MSL1: variants seen among roughly 807,000 people sequenced by gnomAD.
MSL1 encodes male-specific lethal 1 homolog.
Under a neutral mutation model 64.6 loss-of-function variants are expected in MSL1, and 21 were observed. The ratio of observed to expected loss-of-function variants is 0.33; its 90% CI spans 0.23 to 0.47. The LOEUF (loss-of-function observed/expected upper bound fraction) is 0.47, where lower values mean the gene tolerates loss of function less well. Ranked by LOEUF, MSL1 falls within the 20% of genes least tolerant of loss-of-function variation. The probability of loss-of-function intolerance (pLI) is 1.00; values close to 1 mark genes in which losing one functional copy is unlikely to be tolerated. For synonymous variants in MSL1, 339 were observed against 329.6 expected (o/e 1.03, Z -0.31); for missense variants, 664 against 793.2 (o/e 0.84, Z 1.96).
At position 40,129,275 on chromosome 17, in the gene MSL1, G is replaced by C; in HGVS notation, c.1023G>C (p.Lys341Asn). 1 of 1,569,034 alleles carries C rather than the reference G, an allele frequency of 6.4e-7. No homozygotes were observed. The highest frequency in any genetic ancestry group is 8.6e-7 in the Non-Finnish European group (1 of 1,165,862). Residue 341 changes from lysine to asparagine, a missense_variant, in exon 3 of 9, where the codon AAG (lysine) becomes AAC (asparagine). Physicochemically the swap from Lys to Asn is moderately conservative, Grantham distance 94. Transcript: ENST00000398532. ...CCCCATTTGGAAGTACAGAAAGAAA[G>C]ACTCCTGTTAAAAAGCTGGCTCCTG... is the stretch of plus-strand genomic sequence containing the variant. ...RKSPFGSTER[K>N]TPVKKLAPEF...
Position 40,134,434 on chromosome 17 carries a change from C to T in MSL1, c.*65C>T, listed in dbSNP as rs1257760121. Reference sequence around the variant, plus strand: ...TGCCATTCCCGAGAGTGGCAGAGACCTGTATATGTGACCTTTGTCCTCACA... The same window carrying T: ...TGCCATTCCCGAGAGTGGCAGAGACTTGTATATGTGACCTTTGTCCTCACA... On this transcript the variant is annotated 3_prime_UTR_variant, in exon 9 of 9. Transcript: ENST00000398532. 1.5e-6 allele frequency: 2 copies of T among 1,326,930 alleles called. No homozygotes were observed. The highest frequency in any genetic ancestry group is 2.0e-5 in the Admixed American group (1 of 50,632). The allele number at this position is 1,326,930 out of a possible 1,614,324, so 82.2% of individuals were successfully genotyped here.
rs1009311244 is a variant in MSL1 at position 40,134,586 on chromosome 17, CT to C, written c.*223del. ...GGAGGGTGATTGGGATTTCTTTTCC[CT>C]TTTTTGGGAAATGGGCTCTCAAGCT... On this transcript the variant is annotated 3_prime_UTR_variant, in exon 9 of 9. Coordinates refer to ENST00000398532, the MANE Select transcript of MSL1 (RefSeq NM_001365919.1). 6.5e-5 allele frequency: 35 copies of C among 534,962 alleles called. No homozygotes were observed. The Admixed American group carries it at 7.1e-4, about 11-fold the overall frequency. 33.1% of individuals were successfully genotyped at this position (534,962 alleles called of 1,614,324 possible).
chr17:40,126,524 G>T, intron 2 of MSL1, 118 bp downstream of exon 2: 1 of 958,960 alleles, frequency 1.0e-6, no homozygotes. Context: ...CTTCTATGCG[G>T]AGGGCCGGGT....
At position 40,122,440 on chromosome 17, in the gene MSL1, C is replaced by G. The variant is rs1259364894; in HGVS notation, c.-173C>G. 1 of 426,614 alleles carries G rather than the reference C, an allele frequency of 2.3e-6. No individual in the cohort carries two copies. Among genetic ancestry groups the G allele is most frequent in the Non-Finnish European group, 4.0e-6 (1 of 251,110 alleles). The allele number at this position is 426,614 out of a possible 1,614,324, so 26.4% of individuals were successfully genotyped here. A position where few individuals can be genotyped will look rare whatever the true frequency, so the allele number is the denominator to read the frequency against. ...GCCGCGGCCTCCACGTCTCCGCACG[C>G]CGGCGGGATGGCGCCCGGGCCCCGG... On this transcript the variant is annotated 5_prime_UTR_variant, in exon 1 of 9. Coordinates refer to ENST00000398532, the MANE Select transcript of MSL1 (RefSeq NM_001365919.1). This position sits in a 1 kb window ranked among gnomAD's most constrained non-coding sequence, Gnocchi z 4.2.
Position 40,133,531 on chromosome 17 carries a change from C to A in MSL1, c.1557-3C>A. ...TTTGTTTTGTTTGGTTTGTTTTTCC[C>A]AGATGGGATATTCAGAGGATCAGGG... On this transcript the variant is annotated splice_region_variant and splice_polypyrimidine_tract_variant and intron_variant, in intron 6 of 8. Coordinates refer to ENST00000398532, the MANE Select transcript of MSL1 (RefSeq NM_001365919.1). 1 of 1,607,500 alleles carries A rather than the reference C, an allele frequency of 6.2e-7. No homozygotes were observed. The highest frequency in any genetic ancestry group is 8.5e-7 in the Non-Finnish European group (1 of 1,177,144).
chr17:40,133,943 TC>T lies in MSL1; in HGVS notation c.1754+46del, dbSNP rs757222416. ...TCTCCCCTTCCAGGTAACCTGCACATCCTTTTCAGACTTCATGGAAGCCTAG... is the reference window on the plus strand; with the variant it reads ...TCTCCCCTTCCAGGTAACCTGCACATCTTTTCAGACTTCATGGAAGCCTAG... On this transcript the variant is annotated intron_variant, in intron 8 of 8. Transcript: ENST00000398532. The T allele has an allele frequency of 8.8e-5, 135 of 1,525,770 alleles. 1 individual carries two copies. The highest frequency in any genetic ancestry group is 4.3e-5 in the Non-Finnish European group (47 of 1,099,830). The allele number at this position is 1,525,770 out of a possible 1,614,324, so 94.5% of individuals were successfully genotyped here.
rs1354800621 is a variant in MSL1, at chr17:40,122,250, G to A, written c.-363G>A. ...GGCCGGGGCGGGGAAGGGGGGGTGC[G>A]GGGTGGGGAGACGAGGCGGGCCCGG... On this transcript the variant is annotated 5_prime_UTR_variant, in exon 1 of 9. Coordinates refer to ENST00000398532, the MANE Select transcript of MSL1 (RefSeq NM_001365919.1). The surrounding 1 kb of genome is among the most constrained non-coding windows in gnomAD (Gnocchi z 4.2). 6.1e-5 allele frequency: 9 copies of A among 148,130 alleles called. No homozygotes were observed. The highest frequency in any genetic ancestry group is 2.2e-4 in the African/African-American group (9 of 40,322). The allele number at this position is 148,130 out of a possible 1,614,324, so 9.2% of individuals were successfully genotyped here. A position where few individuals can be genotyped will look rare whatever the true frequency, so the allele number is the denominator to read the frequency against.
rs1346610512 is a variant in MSL1, at chr17:40,123,014, G to A, written c.402G>A (p.Val134=). ...GCSPRPKYQA[V]LPIQTGSLVA... is the part of the protein sequence containing the mutation. ...GCCCCCGGCCCAAGTATCAGGCGGTGCTGCCCATTCAGACGGGCTCTCTCG... is the reference window on the plus strand; with the variant it reads ...GCCCCCGGCCCAAGTATCAGGCGGTACTGCCCATTCAGACGGGCTCTCTCG... Residue 134 remains valine (V), a synonymous_variant, in exon 1 of 9, where the codon GTG becomes GTA. Transcript: ENST00000398532. The A allele has an allele frequency of 8.0e-5, 122 of 1,532,230 alleles. No homozygotes were observed. The highest frequency in any genetic ancestry group is 1.1e-4 in the Non-Finnish European group (121 of 1,145,516). 94.9% of individuals were successfully genotyped at this position (1,532,230 alleles called of 1,614,324 possible).
Position 40,136,680 on chromosome 17 carries a change from GTC to G in MSL1, c.*2313_*2314del, listed in dbSNP as rs1988546161. 1 of 152,202 alleles carries G rather than the reference GTC, an allele frequency of 6.6e-6. No individual in the cohort carries two copies. Among genetic ancestry groups the G allele is most frequent in the Non-Finnish European group, 1.5e-5 (1 of 68,002 alleles). The allele number at this position is 152,202 out of a possible 1,614,324, so 9.4% of individuals were successfully genotyped here. A position where few individuals can be genotyped will look rare whatever the true frequency, so the allele number is the denominator to read the frequency against. ...TGTTTTATGCCCATTTCATATTGTT[GTC>G]TGTGTTGTAATTCATAACTTTTGAT... is the stretch of plus-strand genomic sequence containing the variant. On this transcript the variant is annotated 3_prime_UTR_variant, in exon 9 of 9. Transcript: ENST00000398532.
Position 40,128,823 on chromosome 17 carries a change from C to G in MSL1, c.993-422C>G, listed in dbSNP as rs563050745. Among the ~76,000 whole-genome samples the G allele has an allele frequency of 4.0e-5, 6 of 151,868 alleles. No homozygotes were observed. In the South Asian group the frequency reaches 1.3e-3, roughly 32 times the overall value. On this transcript the variant is annotated intron_variant, in intron 2 of 8. Coordinates refer to ENST00000398532, the MANE Select transcript of MSL1 (RefSeq NM_001365919.1). ...GTCAGGTATTTGAGACCAGTCTGAC[C>G]AATATGGTGAAACCCTGCCTTTATT...
chr17:40,125,085 C>A (rs554126051), intron 1 of MSL1, among the ~76,000 whole-genome samples: 2 of 152,262 alleles, frequency 1.3e-5, no homozygotes, highest in East Asian at 3.9e-4. Context: ...AGATAAAATT[C>A]TTGTAATAGA....
In MSL1 at chr17:40,134,761, C is replaced by T. The variant is rs141692709; in HGVS notation, c.*392C>T. On this transcript the variant is annotated 3_prime_UTR_variant, in exon 9 of 9. Coordinates refer to ENST00000398532, the MANE Select transcript of MSL1 (RefSeq NM_001365919.1). ...AGCTGTGCCTGCATGGCACTCTTCT[C>T]ACCCTGGTACACCCTCCTTATAGTG... is the stretch of plus-strand genomic sequence containing the variant. The T allele has an allele frequency of 5.5e-6, 1 of 180,270 alleles. No homozygotes were observed. The highest frequency in any genetic ancestry group is 1.2e-5 in the Non-Finnish European group (1 of 85,020). The allele number at this position is 180,270 out of a possible 1,614,324, so 11.2% of individuals were successfully genotyped here.
intron 3 of MSL1, chr17:40,130,440 C>T (rs1567670054): frequency 6.6e-6 from 1 of 151,786 alleles, no homozygotes; most frequent in Non-Finnish European, 1.5e-5. Context: ...CAACCAGTAA[C>T]TGGAATGTGC....
At chr17:40,130,803 C>T (rs1988424609) in intron 3 of MSL1, 1 of 152,204 alleles carries the variant, frequency 6.6e-6, no homozygotes, top group Non-Finnish European at 1.5e-5. Flanking sequence ...CTTTTGCTGC[C>T]ATGGCAATGC....
Position 40,122,051 on chromosome 17 carries a change from C to CG in MSL1, c.-557dup, listed in dbSNP as rs1988180243. ...TTTTTAAAGGGAAACGCTGAGGCGC[C>CG]GGGGGTGACTGTGGGGGAGGGGGAC... is the stretch of plus-strand genomic sequence containing the variant. On this transcript the variant is annotated 5_prime_UTR_variant, in exon 1 of 9. Transcript: ENST00000398532. This position sits in a 1 kb window ranked among gnomAD's most constrained non-coding sequence, Gnocchi z 4.2. Among the ~76,000 whole-genome samples the CG allele has an allele frequency of 2.0e-5, 3 of 151,592 alleles. No individual in the cohort carries two copies. The highest frequency in any genetic ancestry group is 2.0e-4 in the Admixed American group (3 of 15,270).
Position 40,122,590 on chromosome 17 carries a change from G to C in MSL1, c.-23G>C. On this transcript the variant is annotated 5_prime_UTR_variant, in exon 1 of 9. Transcript: ENST00000398532. The surrounding 1 kb of genome is among the most constrained non-coding windows in gnomAD (Gnocchi z 4.2). The stretch of plus-strand genomic sequence containing the variant: ...TCCCCACCCCCTCCTCCGCCTCGGT[G>C]CCCGGCGCTGCTCCGGACCACTATG... 1 of 1,399,938 alleles carries C rather than the reference G, an allele frequency of 7.1e-7. No individual in the cohort carries two copies. The highest frequency in any genetic ancestry group is 9.3e-7 in the Non-Finnish European group (1 of 1,079,784). 86.7% of individuals were successfully genotyped at this position (1,399,938 alleles called of 1,614,324 possible).
intron 1 of MSL1, among the ~76,000 whole-genome samples, chr17:40,125,839 C>T (rs898383986): frequency 1.3e-5 from 2 of 152,102 alleles, no homozygotes; most frequent in African/African-American, 4.8e-5. Context: ...TGGAAACTCC[C>T]GAACCAACTT....
At chr17:40,133,165 GT>G (rs2145136412) in intron 6 of MSL1, 56 bp downstream of exon 6, 1 of 1,499,150 alleles carries the variant, frequency 6.7e-7, no homozygotes, top group African/African-American at 1.4e-5. Flanking sequence ...CTAGGACAGA[GT>G]ATCAGGGAAC....
At position 40,132,926 on chromosome 17, in the gene MSL1, C is replaced by G. The variant is rs576081422; in HGVS notation, c.1489-116C>G. The stretch of plus-strand genomic sequence containing the variant: ...ATACTGTCCATGGAACCCACAGACT[C>G]AGGTAGAACCGGAAGGTGAAAGATT... On this transcript the variant is annotated intron_variant, in intron 5 of 8. Coordinates refer to ENST00000398532, the MANE Select transcript of MSL1 (RefSeq NM_001365919.1). 4 of 914,522 alleles carry G rather than the reference C, an allele frequency of 4.4e-6. No individual in the cohort carries two copies. In the South Asian group the frequency reaches 6.2e-5, roughly 14 times the overall value. 56.7% of individuals were successfully genotyped at this position (914,522 alleles called of 1,614,324 possible).
Sources: gnomAD v4.1 joint callset for allele counts (sites outside exome capture counted in the v4.1 genomes callset) on GRCh38, gnomAD v4.1.1 for gene constraint, Gnocchi (gnomAD v3.1) non-coding constraint, MANE v1.5 for transcripts, NCBI Gene and HGNC (gene_info 2026-07-23, HGNC 2026-07-21) for gene names.